The following SPSB4 variants were observed in gnomAD, a reference collection of about 807,000 sequenced individuals.
SPSB4 encodes SPRY domain-containing SOCS box protein 4.
SPSB4 carries 21 observed loss-of-function variants against 20.9 expected under a neutral mutation model. That is an observed-to-expected ratio of 1.01 (90% CI 0.71 to 1.45). SPSB4 has a LOEUF of 1.45. SPSB4 is among the 40% of genes most tolerant of loss of function. The pLI, the probability that SPSB4 is intolerant of heterozygous loss-of-function variation, is 0.00. For missense variants in SPSB4, 399 were observed against 399.2 expected (o/e 1.00, Z 0.00); for synonymous variants, 207 against 183.8 (o/e 1.13, Z -1.02).
At chr3:141,057,002 C>T (rs924169516) in intron 1 of SPSB4, among the ~76,000 whole-genome samples, 12 of 152,222 alleles carry the variant, frequency 7.9e-5, no homozygotes, top group African/African-American at 1.2e-4. Flanking sequence ...CTCAGTCACG[C>T]GTGGGAGGAT....
intron 2 of SPSB4, among the ~76,000 whole-genome samples, chr3:141,128,481 A>G (rs558872924): frequency 6.6e-6 from 1 of 152,088 alleles, no homozygotes; most frequent in Non-Finnish European, 1.5e-5. Flanking sequence ...GATTTCTCAC[A>G]AACAGAAGGT....
At chr3:141,058,380 G>T (rs1317362916) in intron 1 of SPSB4, among the ~76,000 whole-genome samples, 2 of 152,238 alleles carry the variant, frequency 1.3e-5, no homozygotes, top group East Asian at 3.8e-4. Context: ...CCCCAGAGCA[G>T]ATCCTTCTGG....
chr3:141,124,803 G>A (rs1939025744), intron 2 of SPSB4, among the ~76,000 whole-genome samples: 1 of 152,150 alleles, frequency 6.6e-6, no homozygotes, highest in Non-Finnish European at 1.5e-5. Context: ...GAGTTGACAT[G>A]TCTATGAGGC....
intron 1 of SPSB4, among the ~76,000 whole-genome samples, chr3:141,059,255 C>T (rs1937717826): frequency 6.6e-6 from 1 of 152,184 alleles, no homozygotes. Flanking sequence ...AAAGGCTCCA[C>T]CTCCAAATAC....
chr3:141,125,318 C>G (rs1019326396), intron 2 of SPSB4, among the ~76,000 whole-genome samples: 1 of 152,198 alleles, frequency 6.6e-6, no homozygotes, highest in Non-Finnish European at 1.5e-5. Flanking sequence ...AGCTCCTTCT[C>G]TCCGTTTCAC....
chr3:141,090,284 G>A (rs1938425706), intron 2 of SPSB4, among the ~76,000 whole-genome samples: 5 of 152,196 alleles, frequency 3.3e-5, no homozygotes, highest in Admixed American at 3.3e-4. Context: ...CAAAACAGCA[G>A]GGACAAAACG....
At chr3:141,122,637 G>T (rs1403763359) in intron 2 of SPSB4, among the ~76,000 whole-genome samples, 1 of 152,212 alleles carries the variant, frequency 6.6e-6, no homozygotes, top group Non-Finnish European at 1.5e-5. Flanking sequence ...GCCTACTCAA[G>T]CTTCAGCAAT....
intron 2 of SPSB4, among the ~76,000 whole-genome samples, chr3:141,107,256 ATAAAAGT>A (rs1167249353): frequency 6.6e-6 from 1 of 152,258 alleles, no homozygotes; most frequent in Non-Finnish European, 1.5e-5. Flanking sequence ...AGTAATTAAC[ATAAAAGT>A]TAGTAGAATG....
intron 2 of SPSB4, among the ~76,000 whole-genome samples, chr3:141,125,559 C>G (rs920468831): frequency 6.6e-6 from 1 of 152,184 alleles, no homozygotes; most frequent in Non-Finnish European, 1.5e-5. Context: ...CAACATGTGC[C>G]CCCTGCCAGG....
At chr3:141,112,514 G>A (rs574883633) in intron 2 of SPSB4, among the ~76,000 whole-genome samples, 5 of 150,072 alleles carry the variant, frequency 3.3e-5, no homozygotes, top group Admixed American at 1.3e-4. Context: ...GCGTAGTGGC[G>A]GGCGCCTGTA....
At chr3:141,066,841 C>T (rs1273821682) in intron 2 of SPSB4, 43 bp downstream of exon 2, 2 of 1,489,774 alleles carry the variant, frequency 1.3e-6, no homozygotes, top group Middle Eastern at 1.8e-4. Context: ...CAGAGGCTGC[C>T]AGGCCCTAGG....
At chr3:141,074,260 T>G (rs532702174) in intron 2 of SPSB4, among the ~76,000 whole-genome samples, 1 of 152,270 alleles carries the variant, frequency 6.6e-6, no homozygotes, top group East Asian at 1.9e-4. Flanking sequence ...AAAACAAACT[T>G]ACTTTGCTAC....
rs1367431168 is a variant in SPSB4, at chr3:141,148,594, T to C, written c.*1325T>C. 1 of 152,628 alleles carries C rather than the reference T, an allele frequency of 6.6e-6. No homozygotes were observed. Among genetic ancestry groups the C allele is most frequent in the African/African-American group, 2.4e-5 (1 of 41,442 alleles). The allele number at this position is 152,628 out of a possible 1,614,324, so 9.5% of individuals were successfully genotyped here. A position where few individuals can be genotyped will look rare whatever the true frequency, so the allele number is the denominator to read the frequency against. On this transcript the variant is annotated 3_prime_UTR_variant, in exon 3 of 3. Transcript: ENST00000310546. This position sits in a 1 kb window ranked among gnomAD's most constrained non-coding sequence, Gnocchi z 4.5. ...GAATGAAGAGCGTTTCTAATAAAGT[T>C]TGTCATTCAGTCCTTCAGCTGCGTA...
intron 2 of SPSB4, among the ~76,000 whole-genome samples, chr3:141,114,119 T>C (rs186726192): frequency 1.6e-3 from 248 of 152,340 alleles, no homozygotes; most frequent in African/African-American, 5.8e-3. Context: ...AATTTCATGT[T>C]ATGTAAACTT....
intron 2 of SPSB4, among the ~76,000 whole-genome samples, chr3:141,141,314 G>T (rs1353383524): frequency 6.6e-6 from 1 of 152,180 alleles, no homozygotes; most frequent in Non-Finnish European, 1.5e-5. Flanking sequence ...TTTGGCTCAT[G>T]CATGGTGCCC....
chr3:141,098,708 T>A (rs6764400), intron 2 of SPSB4, among the ~76,000 whole-genome samples: 1,579 of 152,342 alleles, frequency 0.01, 24 homozygotes, highest in African/African-American at 0.036. Flanking sequence ...CCATCAAATC[T>A]TCTGCAGATA....
chr3:141,069,376 G>T (rs1039866885), intron 2 of SPSB4, among the ~76,000 whole-genome samples: 1 of 152,180 alleles, frequency 6.6e-6, no homozygotes. Flanking sequence ...GAATCCCTGG[G>T]TTTGGGACTA....
intron 2 of SPSB4, among the ~76,000 whole-genome samples, chr3:141,110,188 A>C (rs889611172): frequency 5.3e-5 from 8 of 151,554 alleles, no homozygotes; most frequent in Non-Finnish European, 1.2e-4. Flanking sequence ...TCTGTCCCCA[A>C]CCTCCCACCA....
At chr3:141,139,306 C>T (rs1399783202) in intron 2 of SPSB4, among the ~76,000 whole-genome samples, 3 of 152,058 alleles carry the variant, frequency 2.0e-5, no homozygotes, top group African/African-American at 7.3e-5. Flanking sequence ...CAGTCTGTGC[C>T]TTTTAATTGG....
Sources: gnomAD v4.1 joint callset for allele counts (sites outside exome capture counted in the v4.1 genomes callset) on GRCh38, gnomAD v4.1.1 for gene constraint, Gnocchi (gnomAD v3.1) non-coding constraint, MANE v1.5 for transcripts, NCBI Gene and HGNC (gene_info 2026-07-23, HGNC 2026-07-21) for gene names.